C5orf34: variants seen among roughly 807,000 people sequenced by gnomAD.
C5orf34 encodes chromosome 5 open reading frame 34.
A neutral mutation model predicts 78.4 loss-of-function variants in C5orf34; 73 were observed. The observed-to-expected ratio is 0.93, with a 90% CI of 0.77 to 1.13. C5orf34 has a LOEUF of 1.13. Ranked by LOEUF, C5orf34 falls within the 50% of genes most tolerant of loss-of-function variation. The pLI is 0.00. For synonymous variants in C5orf34, 251 were observed against 246.6 expected (o/e 1.02, Z -0.17); for missense variants, 730 against 732.7 (o/e 1.00, Z 0.04).
intron 4 of C5orf34, 140 bp from the exon 5 acceptor site, chr5:43,503,900 T>A (rs1308654790): frequency 1.7e-6 from 1 of 593,860 alleles, no homozygotes; most frequent in Admixed American, 3.1e-5. Context: ...AATATGAAGG[T>A]ATATTAATGA....
rs763704141 is a variant in C5orf34, at chr5:43,509,179, C to T, written c.161G>A (p.Arg54His). ...GCTAATGACAAAATGTGTCCTTTGA[C>T]GAATTCTTTCTGGTTGTTCTAAAGG... ...AHPLEQPERI[R>H]QRTHFVISTY... The change falls in exon 2 of 13, where the codon CGT becomes CAT. Residue 54 changes from arginine (R) to histidine (H), a missense_variant. Physicochemically the swap from Arg to His is conservative, Grantham distance 29. Transcript: ENST00000306862. The T allele has an allele frequency of 2.0e-5, 32 of 1,613,408 alleles. No individual in the cohort carries two copies. The highest frequency in any genetic ancestry group is 6.7e-5 in the East Asian group (3 of 44,888).
At chr5:43,487,883 G>T in intron 12 of C5orf34, 26 bp downstream of exon 12, 1 of 1,551,374 alleles carries the variant, frequency 6.4e-7, no homozygotes. Context: ...AATTATGTAG[G>T]ACAGTGCATT....
chr5:43,511,852 C>T (rs1746274369), intron 1 of C5orf34, among the ~76,000 whole-genome samples: 2 of 152,062 alleles, frequency 1.3e-5, no homozygotes. Context: ...AGAGTCATCA[C>T]CACTCCCTAA....
At chr5:43,492,004 C>CA (rs34983529) in intron 10 of C5orf34, among the ~76,000 whole-genome samples, 6,544 of 85,178 alleles carry the variant, frequency 0.077, 373 homozygotes, top group African/African-American at 0.15. Flanking sequence ...AACTCTGTCT[C>CA]AAAAAAAAAA....
rs1241854301 is a variant in C5orf34 at position 43,506,311 on chromosome 5, C to T, written c.369G>A (p.Val123=). 6 of 1,613,972 alleles carry T rather than the reference C, an allele frequency of 3.7e-6. No individual in the cohort carries two copies. The African/African-American group carries it at 6.7e-5, about 18-fold the overall frequency. Residue 123 remains valine, a synonymous_variant, in exon 4 of 13, where the codon GTG becomes GTA. Transcript: ENST00000306862. ...CATGACCATCTAAAGATGTTATCTT[C>T]ACAATGCCACTCTCCATATATATCA... is the stretch of plus-strand genomic sequence containing the variant. The part of the protein sequence containing the change: ...GTMIYMESGI[V]KITSLDGHAY...
intron 10 of C5orf34, among the ~76,000 whole-genome samples, chr5:43,491,485 A>T (rs1040672313): frequency 6.6e-6 from 1 of 152,240 alleles, no homozygotes; most frequent in Non-Finnish European, 1.5e-5. Context: ...ATTCATAAAA[A>T]GCTGAAGACT....
intron 2 of C5orf34, 26 bp from the exon 3 acceptor site, chr5:43,508,692 C>T: frequency 4.7e-6 from 6 of 1,290,254 alleles, no homozygotes; most frequent in Non-Finnish European, 5.6e-6. Context: ...TAAAATGTAA[C>T]CTTAATGTAA....
chr5:43,502,282 T>A, intron 6 of C5orf34, 90 bp downstream of exon 6: 1 of 1,363,094 alleles, frequency 7.3e-7, no homozygotes, highest in Non-Finnish European at 1.0e-6. Flanking sequence ...CAATGTTATA[T>A]AATGACCAAA....
At chr5:43,492,549 A>T (rs1484883070) in intron 9 of C5orf34, among the ~76,000 whole-genome samples, 171 bp downstream of exon 9, 1 of 152,222 alleles carries the variant, frequency 6.6e-6, no homozygotes, top group Non-Finnish European at 1.5e-5. Flanking sequence ...AAAAGTGACT[A>T]TTTGTCAAAT....
At chr5:43,512,649 T>C (rs1364021914) in intron 1 of C5orf34, among the ~76,000 whole-genome samples, 4 of 152,160 alleles carry the variant, frequency 2.6e-5, no homozygotes, top group African/African-American at 9.7e-5. Context: ...TTTAGTTTAA[T>C]CATTCTTCTT....
At chr5:43,495,987 T>A (rs1185764742) in intron 6 of C5orf34, 1 of 1,591,072 alleles carries the variant, frequency 6.3e-7, no homozygotes, top group Non-Finnish European at 8.5e-7. Flanking sequence ...GGTGGCTCAG[T>A]GGAATCCATT....
At position 43,509,208 on chromosome 5, in the gene C5orf34, TGCTGAAACAG is replaced by T. The variant is rs771820660; in HGVS notation, c.122_131del (p.Pro41HisfsTer4). 1 of 1,614,208 alleles carries T rather than the reference TGCTGAAACAG, an allele frequency of 6.2e-7. No homozygotes were observed. Among genetic ancestry groups the T allele is most frequent in the East Asian group, 2.2e-5 (1 of 44,876 alleles). On this transcript the variant is annotated frameshift_variant, in exon 2 of 13. Coordinates refer to ENST00000306862, the MANE Select transcript of C5orf34 (RefSeq NM_198566.4). LOFTEE classifies it high-confidence loss of function. The stretch of plus-strand genomic sequence containing the variant: ...TTCTTTCTGGTTGTTCTAAAGGATG[TGCTGAAACAG>T]GTGGTGACTTTTCAAATAAAAATTC...
chr5:43,503,741 G>C lies in C5orf34; in HGVS notation c.952C>G (p.Leu318Val). 1 of 1,612,606 alleles carries C rather than the reference G, an allele frequency of 6.2e-7. No homozygotes were observed. The highest frequency in any genetic ancestry group is 8.5e-7 in the Non-Finnish European group (1 of 1,178,770). ...TATTCATCAGATTGTCTCTGTAAAA[G>C]TGAATCACAAAAATTCCACCTGTGA... ...HLHRWNFCDSLLQRQSDEYSY... is the reference protein window; with the variant it reads ...HLHRWNFCDSVLQRQSDEYSY... Residue 318 changes from leucine (L) to valine (V), a missense_variant, in exon 5 of 13, where the codon CTT becomes GTT. Leu to Val is a conservative substitution (Grantham distance 32). Transcript: ENST00000306862.
intron 5 of C5orf34, 56 bp from the exon 6 acceptor site, chr5:43,502,551 A>G (rs1420335221): frequency 9.9e-7 from 1 of 1,010,012 alleles, no homozygotes; most frequent in African/African-American, 1.6e-5. Flanking sequence ...TAAAACATGC[A>G]TGAAGATAGT....
rs532498581 is a variant in C5orf34 at position 43,495,635 on chromosome 5, C to T, written c.1153-1034G>A. 71 of 1,600,598 alleles carry T rather than the reference C, an allele frequency of 4.4e-5. 1 individual carries two copies. In the South Asian group the frequency reaches 7.0e-4, roughly 16 times the overall value. ...GACTGGAGCAAAGGTGACCACCACACCAGGTTTGAGAACACCAGTCTCCAC... is the reference window on the plus strand; with the variant it reads ...GACTGGAGCAAAGGTGACCACCACATCAGGTTTGAGAACACCAGTCTCCAC... On this transcript the variant is annotated intron_variant, in intron 6 of 12. Coordinates refer to ENST00000306862, the MANE Select transcript of C5orf34 (RefSeq NM_198566.4).
Position 43,506,024 on chromosome 5 carries a change from T to TGC in C5orf34, c.655_656insGC (p.Glu219GlyfsTer40). The TGC allele has an allele frequency of 6.2e-7, 1 of 1,614,202 alleles. No homozygotes were observed. The highest frequency in any genetic ancestry group is 8.5e-7 in the Non-Finnish European group (1 of 1,180,026). On this transcript the variant is annotated frameshift_variant, in exon 4 of 13. Transcript: ENST00000306862. LOFTEE classifies it high-confidence loss of function. ...AGGCGAAGGCAGCTCTTCCCTCCCTTCAGTTCCATTTACACAACTCATCTT... is the reference window on the plus strand; with the variant it reads ...AGGCGAAGGCAGCTCTTCCCTCCCTTGCCAGTTCCATTTACACAACTCATCTT...
intron 6 of C5orf34, among the ~76,000 whole-genome samples, chr5:43,498,055 C>T (rs1241096861): frequency 2.6e-5 from 4 of 152,194 alleles, no homozygotes; most frequent in African/African-American, 4.8e-5. Context: ...TCCACAAGCA[C>T]AGTTCCCTCT....
intron 4 of C5orf34, among the ~76,000 whole-genome samples, chr5:43,505,001 T>G (rs1219445320): frequency 6.6e-6 from 1 of 152,236 alleles, no homozygotes; most frequent in Non-Finnish European, 1.5e-5. Context: ...ATTTAACATT[T>G]CTATGTCGCA....
At chr5:43,491,934 G>A (rs1745300575) in intron 10 of C5orf34, among the ~76,000 whole-genome samples, 1 of 151,724 alleles carries the variant, frequency 6.6e-6, no homozygotes. Context: ...AACCCAGGAG[G>A]CGGAGGTTGT....
Sources: allele counts gnomAD v4.1 joint callset (sites outside exome capture counted in the v4.1 genomes callset), GRCh38; gene constraint gnomAD v4.1.1; transcripts MANE v1.5; gene names NCBI Gene and HGNC (gene_info 2026-07-23, HGNC 2026-07-21).